Variants in FAF1 observed in about 807,000 individuals in gnomAD.
The protein encoded by FAF1 is FAS-associated factor 1.
FAF1 carries 25 observed loss-of-function variants against 92.5 expected under a neutral mutation model. That is an observed-to-expected ratio of 0.27 (90% CI 0.20 to 0.38). The LOEUF (loss-of-function observed/expected upper bound fraction) is 0.38, where lower values mean the gene tolerates loss of function less well. FAF1 is among the 10% of genes least tolerant of loss of function. The pLI is 1.00. For missense variants in FAF1, 636 were observed against 793.3 expected, an observed-to-expected ratio of 0.80 and a Z score of 2.38; for synonymous variants, 234 against 273.2, an observed-to-expected ratio of 0.86 and a Z score of 1.42.
intron 6 of FAF1, among the ~76,000 whole-genome samples, chr1:50,738,072 T>C (rs115471093): frequency 4.6e-5 from 7 of 152,286 alleles, no homozygotes; most frequent in East Asian, 3.9e-4. Context: ...CATGTGATCA[T>C]TGTATAAATG....
chr1:50,548,673 ACTGT>A lies in FAF1; in HGVS notation c.1269-8949_1269-8946del, dbSNP rs554455606. Among the ~76,000 whole-genome samples, 29 of 152,368 alleles carry A rather than the reference ACTGT, an allele frequency of 1.9e-4. 1 individual carries two copies. The South Asian group carries it at 4.8e-3, about 25-fold the overall frequency. On this transcript the variant is annotated intron_variant, in intron 13 of 18. Coordinates refer to ENST00000396153, the MANE Select transcript of FAF1 (RefSeq NM_007051.3). ...TCCACAAGTTTATGATTCTAAACTTACTGTCTAATTTTTAGCAAACTGTACTTTT... is the reference window on the plus strand; with the variant it reads ...TCCACAAGTTTATGATTCTAAACTTACTAATTTTTAGCAAACTGTACTTTT...
chr1:50,660,563 G>A (rs966422619), intron 7 of FAF1, among the ~76,000 whole-genome samples: 4 of 150,948 alleles, frequency 2.6e-5, no homozygotes, highest in African/African-American at 9.7e-5. Context: ...GTAGGTTCTC[G>A]GCTTACTGCA....
chr1:50,675,556 C>T (rs1656082675), intron 7 of FAF1, among the ~76,000 whole-genome samples: 1 of 152,176 alleles, frequency 6.6e-6, no homozygotes. Flanking sequence ...TGATTCTTTG[C>T]AAGAAGCCAG....
chr1:50,942,535 A>C (rs997431048), intron 1 of FAF1, among the ~76,000 whole-genome samples: 3 of 152,136 alleles, frequency 2.0e-5, no homozygotes, highest in Non-Finnish European at 4.4e-5. Flanking sequence ...TATAATTACT[A>C]TCTCTAAGAT....
intron 1 of FAF1, among the ~76,000 whole-genome samples, chr1:50,952,649 G>A (rs574065086): frequency 5.9e-5 from 9 of 151,476 alleles, no homozygotes; most frequent in African/African-American, 1.5e-4. Flanking sequence ...CCGCCATCCC[G>A]TCTAGGAAGT....
At chr1:50,614,215 G>C (rs555981371) in intron 8 of FAF1, among the ~76,000 whole-genome samples, 1 of 152,214 alleles carries the variant, frequency 6.6e-6, no homozygotes, top group South Asian at 2.1e-4. Flanking sequence ...CCATTCCCAA[G>C]ACAAGCATGT....
chr1:50,458,785 G>T (rs1355151026), intron 18 of FAF1, among the ~76,000 whole-genome samples: 2 of 152,148 alleles, frequency 1.3e-5, no homozygotes, highest in Non-Finnish European at 2.9e-5. Context: ...TGCTTTATGT[G>T]TAACACTTCA....
At chr1:50,450,571 G>T (rs747619814) in intron 18 of FAF1, among the ~76,000 whole-genome samples, 5 of 152,160 alleles carry the variant, frequency 3.3e-5, no homozygotes, top group Non-Finnish European at 5.9e-5. Flanking sequence ...TCCCTAATGG[G>T]CTTTGGTGTT....
intron 18 of FAF1, among the ~76,000 whole-genome samples, chr1:50,457,547 G>A (rs992566745): frequency 6.6e-6 from 1 of 151,922 alleles, no homozygotes. Flanking sequence ...TTTAATTTAT[G>A]GCTGGATAAA....
At chr1:50,817,040 T>C (rs1023891164) in intron 2 of FAF1, among the ~76,000 whole-genome samples, 1 of 152,200 alleles carries the variant, frequency 6.6e-6, no homozygotes, top group African/African-American at 2.4e-5. Context: ...CCTAGGTCTA[T>C]GTGTCTGTTT....
chr1:50,674,105 C>G (rs1176025048), intron 7 of FAF1, among the ~76,000 whole-genome samples: 1 of 152,102 alleles, frequency 6.6e-6, no homozygotes, highest in Non-Finnish European at 1.5e-5. Flanking sequence ...CGTCCGCCAC[C>G]ACACCCAGCT....
chr1:50,443,281 G>A (rs1199285536), intron 18 of FAF1, among the ~76,000 whole-genome samples: 4 of 152,108 alleles, frequency 2.6e-5, no homozygotes, highest in Admixed American at 6.5e-5. Flanking sequence ...GCACCATGCT[G>A]GGGTTGTCAT....
chr1:50,748,199 T>C (rs1297479525), intron 4 of FAF1, among the ~76,000 whole-genome samples: 1 of 152,016 alleles, frequency 6.6e-6, no homozygotes, highest in Non-Finnish European at 1.5e-5. Flanking sequence ...GGATACTCTA[T>C]ACAGTAAAGA....
intron 2 of FAF1, among the ~76,000 whole-genome samples, chr1:50,815,925 G>A (rs1643968323): frequency 6.6e-6 from 1 of 151,856 alleles, no homozygotes; most frequent in Non-Finnish European, 1.5e-5. Context: ...TACTCTGGGG[G>A]CTGAGGCAGG....
intron 13 of FAF1, among the ~76,000 whole-genome samples, chr1:50,554,390 T>TATATATATATATATATATAGAGAGAA: frequency 1.1e-5 from 1 of 93,706 alleles, no homozygotes; most frequent in Non-Finnish European, 2.0e-5. Context: ...TATATATATA[T>TATATATATATATATATATAGAGAGAA]AGAGAGAGAG....
intron 8 of FAF1, among the ~76,000 whole-genome samples, chr1:50,647,254 T>C (rs997089520): frequency 1.1e-4 from 17 of 152,228 alleles, no homozygotes; most frequent in African/African-American, 3.6e-4. Context: ...CCTATAATAA[T>C]AGTTAAGTCT....
Position 50,505,939 on chromosome 1 carries a change from A to C in FAF1, c.1495-14138T>G, listed in dbSNP as rs926364278. Among the ~76,000 whole-genome samples the C allele has an allele frequency of 3.5e-4, 54 of 152,216 alleles. 1 individual carries two copies. The highest frequency in any genetic ancestry group is 1.3e-3 in the African/African-American group (54 of 41,458). ...GAAAGGTCAAATGGAAAGAGTAACTAATCTGTTCATTACAAAAAAATCAGA... is the reference window on the plus strand; with the variant it reads ...GAAAGGTCAAATGGAAAGAGTAACTCATCTGTTCATTACAAAAAAATCAGA... On this transcript the variant is annotated intron_variant, in intron 15 of 18. Transcript: ENST00000396153.
intron 2 of FAF1, among the ~76,000 whole-genome samples, chr1:50,844,722 C>T (rs891270306): frequency 6.6e-6 from 1 of 151,694 alleles, no homozygotes; most frequent in African/African-American, 2.4e-5. Context: ...TACTGTGCTT[C>T]AAGTATTTTC....
chr1:50,468,402 C>T (rs1313118742), intron 18 of FAF1, among the ~76,000 whole-genome samples: 1 of 151,566 alleles, frequency 6.6e-6, no homozygotes, highest in Non-Finnish European at 1.5e-5. Flanking sequence ...AAGCAATTCT[C>T]GTGCCTCAGC....
Sources: allele counts gnomAD v4.1 joint callset (sites outside exome capture counted in the v4.1 genomes callset), GRCh38; gene constraint gnomAD v4.1.1; transcripts MANE v1.5; gene names NCBI Gene and HGNC (gene_info 2026-07-23, HGNC 2026-07-21).